ROBO2: variants seen among roughly 807,000 people sequenced by gnomAD.
The protein encoded by ROBO2 is roundabout homolog 2.
ROBO2 carries 53 observed loss-of-function variants against 160.8 expected under a neutral mutation model. That is an observed-to-expected ratio of 0.33 (90% confidence interval 0.26 to 0.41). The LOEUF is 0.41. Ranked by LOEUF, ROBO2 falls within the 10% of genes least tolerant of loss-of-function variation. The probability of loss-of-function intolerance (pLI) is 1.00; values close to 1 mark genes in which losing one functional copy is unlikely to be tolerated. For synonymous variants in ROBO2, 664 were observed against 611.7 expected, an observed-to-expected ratio of 1.09 and a Z score of -1.26; for missense variants, 1,577 against 1,722.4, an observed-to-expected ratio of 0.92 and a Z score of 1.49.
chr3:76,694,333 A>G (rs753109752), intron 2 of ROBO2, among the ~76,000 whole-genome samples: 2 of 152,148 alleles, frequency 1.3e-5, no homozygotes, highest in Non-Finnish European at 2.9e-5. Context: ...TCGCCAAGAG[A>G]TGCCTTCTGT....
At chr3:76,745,386 T>A (rs2108111694) in intron 2 of ROBO2, among the ~76,000 whole-genome samples, 1 of 152,280 alleles carries the variant, frequency 6.6e-6, no homozygotes, top group East Asian at 1.9e-4. Flanking sequence ...ATATGTGAGC[T>A]GTAAAAGGCA....
chr3:76,434,290 A>T, intron 2 of ROBO2: 5 of 1,029,008 alleles, frequency 4.9e-6, no homozygotes, highest in Non-Finnish European at 7.7e-6. Flanking sequence ...CAGCCAGCAG[A>T]TAATAAGCTT....
chr3:76,197,765 G>A (rs140479317), intron 2 of ROBO2, among the ~76,000 whole-genome samples: 53 of 152,248 alleles, frequency 3.5e-4, no homozygotes, highest in Non-Finnish European at 6.9e-4. Context: ...GTGAATGGCC[G>A]AAATAGAATT....
At chr3:76,311,292 TATC>T (rs1167071017) in intron 2 of ROBO2, 7 of 152,332 alleles carry the variant, frequency 4.6e-5, no homozygotes, top group African/African-American at 9.6e-5. Context: ...GTGGAAATGT[TATC>T]ATCAGAGAAA....
chr3:77,165,972 ATC>A (rs1200513410), intron 2 of ROBO2, among the ~76,000 whole-genome samples: 2 of 152,202 alleles, frequency 1.3e-5, no homozygotes, highest in African/African-American at 4.8e-5. Context: ...GCTGAAGTCT[ATC>A]TCTCTCTGTA....
chr3:75,920,535 T>C (rs2106823796), intron 1 of ROBO2, among the ~76,000 whole-genome samples: 1 of 152,330 alleles, frequency 6.6e-6, no homozygotes, highest in South Asian at 2.1e-4. Flanking sequence ...TCTGTAGATA[T>C]CTATTAGGTC....
chr3:77,567,231 T>C (rs755806808), intron 12 of ROBO2, among the ~76,000 whole-genome samples: 2 of 152,080 alleles, frequency 1.3e-5, no homozygotes, highest in Non-Finnish European at 1.5e-5. Context: ...GCATGCATTG[T>C]AGCCTGAGAT....
At chr3:77,356,566 A>G (rs1320718565) in intron 2 of ROBO2, among the ~76,000 whole-genome samples, 1 of 152,196 alleles carries the variant, frequency 6.6e-6, no homozygotes, top group Non-Finnish European at 1.5e-5. Flanking sequence ...TCTATAACAA[A>G]AGGCAGATTA....
chr3:76,023,768 A>T (rs1185985537), intron 2 of ROBO2, among the ~76,000 whole-genome samples: 2 of 151,632 alleles, frequency 1.3e-5, no homozygotes, highest in Non-Finnish European at 3.0e-5. Flanking sequence ...AAGTGATCAC[A>T]TGCTGTTGGA....
intron 2 of ROBO2, among the ~76,000 whole-genome samples, chr3:76,316,499 C>T (rs1460043182): frequency 6.6e-6 from 1 of 152,110 alleles, no homozygotes; most frequent in African/African-American, 2.4e-5. Context: ...GGTCGTCTTC[C>T]CTTGTTCCCT....
intron 2 of ROBO2, among the ~76,000 whole-genome samples, chr3:77,323,729 C>G (rs912651998): frequency 6.6e-6 from 1 of 152,136 alleles, no homozygotes; most frequent in Non-Finnish European, 1.5e-5. Context: ...TCATCACACA[C>G]AGACACATCC....
intron 2 of ROBO2, among the ~76,000 whole-genome samples, chr3:76,305,264 T>C (rs1269813897): frequency 6.6e-6 from 1 of 151,240 alleles, no homozygotes; most frequent in African/African-American, 2.4e-5. Flanking sequence ...AGTTGTGAGT[T>C]CCTGTAGTCC....
chr3:76,823,180 G>A (rs1310652561), intron 2 of ROBO2, among the ~76,000 whole-genome samples: 1 of 151,964 alleles, frequency 6.6e-6, no homozygotes, highest in African/African-American at 2.4e-5. Context: ...GATTTCTTTT[G>A]ACATCTAGCT....
chr3:76,964,813 CA>C (rs1390004494), intron 2 of ROBO2, among the ~76,000 whole-genome samples: 12 of 152,118 alleles, frequency 7.9e-5, no homozygotes, highest in Non-Finnish European at 5.9e-5. Context: ...CACTGGTTAC[CA>C]CCTAAACTCA....
intron 1 of ROBO2, among the ~76,000 whole-genome samples, chr3:77,078,871 C>T (rs982674109): frequency 6.6e-6 from 1 of 152,144 alleles, no homozygotes; most frequent in African/African-American, 2.4e-5. Flanking sequence ...CACTCAGTGA[C>T]CTGGCCACTT....
At chr3:76,080,054 G>A (rs1484759350) in intron 2 of ROBO2, among the ~76,000 whole-genome samples, 1 of 152,128 alleles carries the variant, frequency 6.6e-6, no homozygotes, top group Non-Finnish European at 1.5e-5. Context: ...TCCCTTTTGT[G>A]TAGAAACATG....
intron 2 of ROBO2, among the ~76,000 whole-genome samples, chr3:76,529,870 G>A (rs182902435): frequency 1.3e-5 from 2 of 152,214 alleles, no homozygotes; most frequent in East Asian, 3.9e-4. Flanking sequence ...ATGTGGAGGT[G>A]GCTTATTTCC....
At chr3:77,371,857 C>T (rs900754232) in intron 2 of ROBO2, among the ~76,000 whole-genome samples, 1 of 152,166 alleles carries the variant, frequency 6.6e-6, no homozygotes, top group Non-Finnish European at 1.5e-5. Context: ...AACAGCTAAA[C>T]AAAACTAGTT....
At chr3:76,434,076 C>A in intron 2 of ROBO2, 1 of 1,313,442 alleles carries the variant, frequency 7.6e-7, no homozygotes, top group Non-Finnish European at 1.1e-6. Context: ...CTCCTGGAGG[C>A]AGTATCCCAT....
Sources: allele counts gnomAD v4.1 joint callset (sites outside exome capture counted in the v4.1 genomes callset), GRCh38; gene constraint gnomAD v4.1.1; transcripts MANE v1.5; gene names NCBI Gene and HGNC (gene_info 2026-07-23, HGNC 2026-07-21).